Variants in CFTR observed in about 807,000 individuals in gnomAD.
The protein encoded by CFTR is CF transmembrane conductance regulator.
Under a neutral mutation model 171.6 loss-of-function variants are expected in CFTR, and 181 were observed. The observed-to-expected ratio is 1.05, with a 90% CI of 0.93 to 1.19. The LOEUF (loss-of-function observed/expected upper bound fraction) is 1.19, where lower values mean the gene tolerates loss of function less well. Ranked by LOEUF, CFTR falls within the 50% of genes most tolerant of loss-of-function variation. CFTR has a pLI of 0.00. For synonymous variants in CFTR, 583 were observed against 608.0 expected, an observed-to-expected ratio of 0.96 and a Z score of 0.60; for missense variants, 1,968 against 1,734.7, an observed-to-expected ratio of 1.13 and a Z score of -2.39.
In CFTR at chr7:117,614,674, G is replaced by T. The variant is rs375845215; in HGVS notation, c.3429G>T (p.Leu1143Phe). The T allele has an allele frequency of 6.2e-7, 1 of 1,612,248 alleles. No individual in the cohort carries two copies. Among genetic ancestry groups the T allele is most frequent in the Non-Finnish European group, 8.5e-7 (1 of 1,178,710 alleles). ...LTLAMNIMST[L>F]QWAVNSSIDV... Reference sequence around the variant, plus strand: ...TAGCCATGAATATCATGAGTACATTGCAGTGGGCTGTAAACTCCAGCATAG... The same window carrying T: ...TAGCCATGAATATCATGAGTACATTTCAGTGGGCTGTAAACTCCAGCATAG... The change falls in exon 21 of 27, where the codon TTG (leucine) becomes TTT (phenylalanine). Residue 1143 changes from leucine (L) to phenylalanine (F), a missense_variant. By Grantham distance (22) the Leu-to-Phe change is conservative. Coordinates refer to ENST00000003084, the MANE Select transcript of CFTR (RefSeq NM_000492.4).
intron 11 of CFTR, among the ~76,000 whole-genome samples, chr7:117,584,259 A>C (rs974008375): frequency 6.6e-6 from 1 of 152,150 alleles, no homozygotes; most frequent in African/African-American, 2.4e-5. Flanking sequence ...ACCAATGACT[A>C]TAAGAGTTTT....
intron 2 of CFTR, among the ~76,000 whole-genome samples, chr7:117,506,270 A>C (rs1241117000): frequency 6.6e-6 from 1 of 152,132 alleles, no homozygotes; most frequent in Non-Finnish European, 1.5e-5. Context: ...TTTTTGAGAC[A>C]GAGTCTTGCT....
intron 21 of CFTR, 83 bp from the exon 22 acceptor site, chr7:117,627,439 A>G (rs1042477546): frequency 1.4e-6 from 2 of 1,433,038 alleles, no homozygotes; most frequent in African/African-American, 2.8e-5. Flanking sequence ...TGCATTTTAC[A>G]AGTTATTTTT....
chr7:117,659,429 A>G (rs1191850946), intron 24 of CFTR, among the ~76,000 whole-genome samples: 1 of 152,196 alleles, frequency 6.6e-6, no homozygotes, highest in Non-Finnish European at 1.5e-5. Flanking sequence ...ATGGTATTCA[A>G]TAAATATTGG....
At chr7:117,583,321 C>A (rs538696390) in intron 11 of CFTR, among the ~76,000 whole-genome samples, 2 of 151,982 alleles carry the variant, frequency 1.3e-5, no homozygotes. Context: ...TTATCCCCCC[C>A]CCGCTCCACC....
rs762799443 is a variant in CFTR at position 117,548,842 on chromosome 7, A to G, written c.1392+19A>G. ...AGGCAAGGTAGTTCTTTTGTTCTTC[A>G]CTATTAAGAACTTAATTTGGTGTCC... On this transcript the variant is annotated intron_variant, in intron 10 of 26. Transcript: ENST00000003084. The G allele has an allele frequency of 2.5e-6, 4 of 1,598,320 alleles. No individual in the cohort carries two copies. In the African/African-American group the frequency reaches 4.0e-5, roughly 16 times the overall value.
chr7:117,612,788 T>G, intron 20 of CFTR, among the ~76,000 whole-genome samples: 1 of 152,032 alleles, frequency 6.6e-6, no homozygotes, highest in Middle Eastern at 3.2e-3. Context: ...TCTTCTTGAG[T>G]CTATATCTGT....
At chr7:117,593,914 A>G (rs1792078540) in intron 14 of CFTR, among the ~76,000 whole-genome samples, 1 of 152,168 alleles carries the variant, frequency 6.6e-6, no homozygotes, top group Non-Finnish European at 1.5e-5. Flanking sequence ...CGCCCAGCCC[A>G]TCTATATAGT....
At chr7:117,490,677 T>G (rs1316138228) in intron 1 of CFTR, among the ~76,000 whole-genome samples, 1 of 152,106 alleles carries the variant, frequency 6.6e-6, no homozygotes, top group African/African-American at 2.4e-5. Context: ...GCACTTTCTA[T>G]GCATTAAGTG....
At chr7:117,504,756 T>TA (rs372341779) in intron 2 of CFTR, among the ~76,000 whole-genome samples, 17,192 of 121,020 alleles carry the variant, frequency 0.14, 3,377 homozygotes, top group African/African-American at 0.44. Context: ...CCTCTCTCTC[T>TA]AAAAAAAAAA....
chr7:117,655,362 C>G (rs1793151177), intron 24 of CFTR, among the ~76,000 whole-genome samples: 1 of 152,176 alleles, frequency 6.6e-6, no homozygotes, highest in Non-Finnish European at 1.5e-5. Flanking sequence ...ACAGCTCAGC[C>G]AAGTTCTTTG....
chr7:117,667,087 G>A lies in CFTR; in HGVS notation c.4422G>A (p.Glu1474=). Residue 1474 remains glutamate, a synonymous_variant, in exon 27 of 27, where the codon GAG becomes GAA. Coordinates refer to ENST00000003084, the MANE Select transcript of CFTR (RefSeq NM_000492.4). ...CTCTGAAAGAGGAGACAGAAGAAGAGGTGCAAGATACAAGGCTTTAGAGAG... is the reference window on the plus strand; with the variant it reads ...CTCTGAAAGAGGAGACAGAAGAAGAAGTGCAAGATACAAGGCTTTAGAGAG... ...IAALKEETEE[E]VQDTRL is the part of the protein sequence containing the mutation. 5 of 1,613,946 alleles carry A rather than the reference G, an allele frequency of 3.1e-6. No homozygotes were observed. The highest frequency in any genetic ancestry group is 4.2e-6 in the Non-Finnish European group (5 of 1,179,942).
intron 10 of CFTR, among the ~76,000 whole-genome samples, chr7:117,554,537 C>T (rs1029427778): frequency 1.3e-5 from 2 of 151,784 alleles, no homozygotes; most frequent in Non-Finnish European, 2.9e-5. Flanking sequence ...AGTCTAGTTT[C>T]AAGGAAGAGG....
chr7:117,500,633 C>T (rs1657133491), intron 1 of CFTR, among the ~76,000 whole-genome samples: 1 of 152,004 alleles, frequency 6.6e-6, no homozygotes, highest in African/African-American at 2.4e-5. Flanking sequence ...TTTAACCTCA[C>T]AAAATAAAAT....
intron 17 of CFTR, 104 bp downstream of exon 17, chr7:117,603,886 G>C: frequency 7.9e-7 from 1 of 1,261,612 alleles, no homozygotes; most frequent in Non-Finnish European, 1.1e-6. Flanking sequence ...ACAGAGGCAT[G>C]TGCCCTTTGT....
At chr7:117,488,815 GT>G (rs1798113459) in intron 1 of CFTR, among the ~76,000 whole-genome samples, 1 of 152,006 alleles carries the variant, frequency 6.6e-6, no homozygotes, top group South Asian at 2.1e-4. Flanking sequence ...ACATGGTTGT[GT>G]TTTTCACAGT....
At chr7:117,492,646 A>G (rs1030294546) in intron 1 of CFTR, among the ~76,000 whole-genome samples, 9 of 152,046 alleles carry the variant, frequency 5.9e-5, no homozygotes, top group Non-Finnish European at 1.0e-4. Context: ...CAGGGGATAC[A>G]GTAGTTTAAA....
chr7:117,610,953 A>C (rs577091179), intron 19 of CFTR, among the ~76,000 whole-genome samples: 1 of 152,106 alleles, frequency 6.6e-6, no homozygotes, highest in Non-Finnish European at 1.5e-5. Flanking sequence ...TAATAAACTT[A>C]TATCAGTCAA....
chr7:117,550,113 A>T lies in CFTR; in HGVS notation c.1392+1290A>T, dbSNP rs1799243285. Reference sequence around the variant, plus strand: ...CACTTTTGGAGGCAGAGGCAGGTGAATTGCTTGAGTCCAGGAGTTTGAGAC... The same window carrying T: ...CACTTTTGGAGGCAGAGGCAGGTGATTTGCTTGAGTCCAGGAGTTTGAGAC... On this transcript the variant is annotated intron_variant, in intron 10 of 26. Transcript: ENST00000003084. Among the ~76,000 whole-genome samples, 3 of 152,080 alleles carry T rather than the reference A, an allele frequency of 2.0e-5. No homozygotes were observed. The South Asian group carries it at 6.2e-4, about 32-fold the overall frequency.
Sources: allele counts gnomAD v4.1 joint callset (sites outside exome capture counted in the v4.1 genomes callset), GRCh38; gene constraint gnomAD v4.1.1; transcripts MANE v1.5; gene names NCBI Gene and HGNC (gene_info 2026-07-23, HGNC 2026-07-21).